CA10: variants seen among roughly 807,000 people sequenced by gnomAD.
CA10 encodes carbonic anhydrase-related protein 10.
Under a neutral mutation model 44.2 loss-of-function variants are expected in CA10, and 14 were observed. That is an observed-to-expected ratio of 0.32 (90% CI 0.21 to 0.50). The LOEUF is 0.50. CA10 is among the 20% of genes least tolerant of loss of function. The probability of loss-of-function intolerance (pLI) is 0.99; values close to 1 mark genes in which losing one functional copy is unlikely to be tolerated. For missense variants in CA10, 350 were observed against 409.7 expected (o/e 0.85, Z 1.26); for synonymous variants, 159 against 141.6 (o/e 1.12, Z -0.87).
At chr17:51,856,176 G>A (rs933546217) in intron 3 of CA10, among the ~76,000 whole-genome samples, 1 of 152,138 alleles carries the variant, frequency 6.6e-6, no homozygotes, top group Non-Finnish European at 1.5e-5. Flanking sequence ...TTTGCAGAAG[G>A]ACTGACATGC....
rs934565859 is a variant in CA10, at chr17:51,631,515, A to C, written c.*69T>G. On this transcript the variant is annotated 3_prime_UTR_variant, in exon 9 of 9. Coordinates refer to ENST00000451037, the MANE Select transcript of CA10 (RefSeq NM_020178.5). Reference sequence around the variant, plus strand: ...GAAGGAGAGAGAAGCAAGAAGGGGGACATTCTAGGTTACGTCAATTCACAG... The same window carrying C: ...GAAGGAGAGAGAAGCAAGAAGGGGGCCATTCTAGGTTACGTCAATTCACAG... 2 of 1,331,874 alleles carry C rather than the reference A, an allele frequency of 1.5e-6. No individual in the cohort carries two copies. Among genetic ancestry groups the C allele is most frequent in the East Asian group, 4.6e-5 (2 of 43,472 alleles). 82.5% of individuals were successfully genotyped at this position (1,331,874 alleles called of 1,614,324 possible).
chr17:51,676,443 G>A (rs899775544), intron 4 of CA10, among the ~76,000 whole-genome samples: 1 of 152,168 alleles, frequency 6.6e-6, no homozygotes, highest in African/African-American at 2.4e-5. Flanking sequence ...CATCACCTGA[G>A]AGCATATTAG....
intron 2 of CA10, among the ~76,000 whole-genome samples, chr17:52,055,348 A>G (rs1987198163): frequency 1.6e-3 from 2 of 1,230 alleles, no homozygotes; most frequent in African/African-American, 1.7e-3. Flanking sequence ...CTTCTGGTGA[A>G]AAAAAAAAAA....
rs181862869 is a variant in CA10 at position 52,014,287 on chromosome 17, C to A, written c.136+58032G>T. On this transcript the variant is annotated intron_variant, in intron 2 of 8. Coordinates refer to ENST00000451037, the MANE Select transcript of CA10 (RefSeq NM_020178.5). Reference sequence around the variant, plus strand: ...GACCCATACAAGTATAAGTTATAGACAACTAGACCAGTGGCAGAAGGGAAA... The same window carrying A: ...GACCCATACAAGTATAAGTTATAGAAAACTAGACCAGTGGCAGAAGGGAAA... Among the ~76,000 whole-genome samples, 248 of 151,994 alleles carry A rather than the reference C, an allele frequency of 1.6e-3. 1 individual carries two copies. The highest frequency in any genetic ancestry group is 5.9e-3 in the African/African-American group (244 of 41,526).
intron 3 of CA10, among the ~76,000 whole-genome samples, chr17:51,913,788 C>T (rs1027327160): frequency 2.6e-5 from 4 of 152,074 alleles, no homozygotes; most frequent in Non-Finnish European, 4.4e-5. Context: ...GAGCCAAATA[C>T]CATTGCAATC....
At chr17:51,846,144 T>C (rs1263690400) in intron 3 of CA10, among the ~76,000 whole-genome samples, 1 of 152,262 alleles carries the variant, frequency 6.6e-6, no homozygotes, top group Non-Finnish European at 1.5e-5. Context: ...AAAGGAGGCA[T>C]TGGCCTTTTG....
chr17:51,680,153 G>A lies in CA10; in HGVS notation c.466-26417C>T, dbSNP rs76751114. Among the ~76,000 whole-genome samples the A allele has an allele frequency of 8.6e-3, 1,309 of 152,262 alleles. 18 individuals are homozygous for A. Among genetic ancestry groups the A allele is most frequent in the African/African-American group, 0.03 (1,267 of 41,548 alleles). ...AAGTAATATGGGATTTCAAGAGAGA[G>A]GGAAAGATCATTTCCAGTTGTATTC... On this transcript the variant is annotated intron_variant, in intron 4 of 8. Transcript: ENST00000451037.
chr17:51,874,024 G>T (rs538199273), intron 3 of CA10, among the ~76,000 whole-genome samples: 1 of 152,280 alleles, frequency 6.6e-6, no homozygotes, highest in African/African-American at 2.4e-5. Flanking sequence ...TCCCAGACTT[G>T]TCAACCCTCC....
chr17:52,018,485 C>G (rs965758910), intron 2 of CA10, among the ~76,000 whole-genome samples: 1 of 152,154 alleles, frequency 6.6e-6, no homozygotes, highest in Non-Finnish European at 1.5e-5. Context: ...AATGTCTGCT[C>G]TGCTGTGTTT....
chr17:52,026,304 C>G (rs1986299796), intron 2 of CA10, among the ~76,000 whole-genome samples: 1 of 152,176 alleles, frequency 6.6e-6, no homozygotes, highest in Admixed American at 6.6e-5. Flanking sequence ...AAAGTCTCCT[C>G]TGAACCACCA....
At chr17:51,861,048 T>G (rs1304648419) in intron 3 of CA10, among the ~76,000 whole-genome samples, 2 of 152,204 alleles carry the variant, frequency 1.3e-5, no homozygotes, top group African/African-American at 4.8e-5. Context: ...GCTTCAAATC[T>G]AACTTTCTGT....
At chr17:52,087,439 G>A (rs542776865) in intron 1 of CA10, among the ~76,000 whole-genome samples, 2 of 152,284 alleles carry the variant, frequency 1.3e-5, no homozygotes, top group Admixed American at 1.3e-4. Context: ...ACCGCACCTG[G>A]CCCCTTTCCT....
intron 8 of CA10, 29 bp downstream of exon 8, chr17:51,633,447 T>A (rs768257890): frequency 1.9e-6 from 3 of 1,600,954 alleles, no homozygotes; most frequent in Non-Finnish European, 8.5e-7. Flanking sequence ...CTAGCCTAGA[T>A]CCTCCACTCT....
chr17:51,653,546 C>T (rs1913657496), intron 5 of CA10, 95 bp downstream of exon 5: 1 of 758,204 alleles, frequency 1.3e-6, no homozygotes, highest in Non-Finnish European at 2.4e-6. Context: ...TGGATAGCAC[C>T]CCTTTTAATA....
At position 51,774,855 on chromosome 17, in the gene CA10, G is replaced by T. The variant is rs115924669; in HGVS notation, c.280-27037C>A. Among the ~76,000 whole-genome samples, 596 of 152,234 alleles carry T rather than the reference G, an allele frequency of 3.9e-3. 3 individuals carry two copies. The highest frequency in any genetic ancestry group is 0.014 in the African/African-American group (566 of 41,536). ...AGGAAAGAAAGCAGGATGCCAGCCA[G>T]CCAGCCAAGATACATGCAGAGGTTT... On this transcript the variant is annotated intron_variant, in intron 3 of 8. Transcript: ENST00000451037.
In CA10 at chr17:52,000,026, A is replaced by T. The variant is rs566759638; in HGVS notation, c.137-68894T>A. On this transcript the variant is annotated intron_variant, in intron 2 of 8. Transcript: ENST00000451037. ...AATTAGTCCCTCTGGCTCTATGGTG[A>T]AAATGAAGCATGACACAGAATTGTG... 7.9e-5 allele frequency among the ~76,000 whole-genome samples: 12 copies of T among 152,234 alleles called. 1 individual carries two copies. In the South Asian group the frequency reaches 2.3e-3, roughly 29 times the overall value.
chr17:51,826,304 T>C (rs914278805), intron 3 of CA10, among the ~76,000 whole-genome samples: 1 of 152,196 alleles, frequency 6.6e-6, no homozygotes, highest in African/African-American at 2.4e-5. Context: ...ATTGACATGG[T>C]GGAAATTGCA....
chr17:51,985,538 G>T (rs1414832738), intron 2 of CA10, among the ~76,000 whole-genome samples: 1 of 151,782 alleles, frequency 6.6e-6, no homozygotes, highest in Non-Finnish European at 1.5e-5. Context: ...AAAAATAAAG[G>T]GCATCCAAAC....
chr17:51,874,319 A>G (rs1406083928), intron 3 of CA10, among the ~76,000 whole-genome samples: 1 of 151,594 alleles, frequency 6.6e-6, no homozygotes, highest in East Asian at 1.9e-4. Context: ...GTTTTGTCCA[A>G]CCCCTAATAT....
Sources: allele counts gnomAD v4.1 joint callset (sites outside exome capture counted in the v4.1 genomes callset), GRCh38; gene constraint gnomAD v4.1.1; transcripts MANE v1.5; gene names NCBI Gene and HGNC (gene_info 2026-07-23, HGNC 2026-07-21).